The following CSTPP1 variants were observed in gnomAD, a reference collection of about 807,000 sequenced individuals.
The protein encoded by CSTPP1 is UPF0705 protein C11orf49.
chr11:47,084,907 G>A, the CSTPP1 span, among the ~76,000 whole-genome samples: 15 of 152,044 alleles, frequency 9.9e-5, no homozygotes, highest in African/African-American at 2.7e-4. Flanking sequence ...AAGAATCGCC[G>A]GGTGCGATGG....
chr11:46,988,335 G>A, the CSTPP1 span, among the ~76,000 whole-genome samples: 2 of 152,124 alleles, frequency 1.3e-5, no homozygotes, highest in Admixed American at 6.6e-5. Context: ...AGATGAATGG[G>A]TAAAGAAAAT....
the CSTPP1 span, among the ~76,000 whole-genome samples, chr11:47,079,471 A>G: frequency 6.6e-6 from 1 of 152,250 alleles, no homozygotes; most frequent in Non-Finnish European, 1.5e-5. Flanking sequence ...AGTTCAGCCA[A>G]AAGCTGCATA....
chr11:47,155,549 T>C, the CSTPP1 span: 3 of 490,576 alleles, frequency 6.1e-6, no homozygotes, highest in South Asian at 5.3e-5. Flanking sequence ...ACAACATCCA[T>C]AGCATCCACA....
chr11:47,022,183 A>G, the CSTPP1 span, among the ~76,000 whole-genome samples: 1 of 151,302 alleles, frequency 6.6e-6, no homozygotes, highest in South Asian at 2.1e-4. Flanking sequence ...ATTAAAAGCC[A>G]CTTTCATTCC....
chr11:47,088,712 AT>A, the CSTPP1 span, among the ~76,000 whole-genome samples: 4 of 151,910 alleles, frequency 2.6e-5, no homozygotes, highest in Non-Finnish European at 5.9e-5. Context: ...ACACTGGCTA[AT>A]TTTTGTATTT....
At chr11:46,963,165 T>C in the CSTPP1 span, among the ~76,000 whole-genome samples, 4 of 152,144 alleles carry the variant, frequency 2.6e-5, no homozygotes, top group Admixed American at 6.6e-5. Flanking sequence ...TTGAGTAGAA[T>C]TGGCAAAAGT....
At chr11:47,069,415 T>G in the CSTPP1 span, among the ~76,000 whole-genome samples, 1 of 152,230 alleles carries the variant, frequency 6.6e-6, no homozygotes, top group Non-Finnish European at 1.5e-5. Context: ...ATTGTAGTAG[T>G]TAAGGCATAA....
chr11:47,020,705 T>G, the CSTPP1 span, among the ~76,000 whole-genome samples: 1 of 152,244 alleles, frequency 6.6e-6, no homozygotes, highest in Non-Finnish European at 1.5e-5. Context: ...TTCTAAATCA[T>G]TCCTTGTTTT....
At chr11:47,088,409 C>A in the CSTPP1 span, among the ~76,000 whole-genome samples, 1 of 152,048 alleles carries the variant, frequency 6.6e-6, no homozygotes, top group African/African-American at 2.4e-5. Context: ...TTCTTAGATT[C>A]CTGGAAAACA....
the CSTPP1 span, among the ~76,000 whole-genome samples, chr11:46,966,672 T>G: frequency 6.6e-6 from 1 of 152,368 alleles, no homozygotes; most frequent in South Asian, 2.1e-4. Context: ...TGCTTTTCTT[T>G]AAGACAACTT....
chr11:47,151,712 G>A, the CSTPP1 span, among the ~76,000 whole-genome samples: 5 of 151,692 alleles, frequency 3.3e-5, no homozygotes, highest in African/African-American at 1.2e-4. Flanking sequence ...AAGGTAGCCA[G>A]TCTTACTTCT....
chr11:47,020,541 T>C, the CSTPP1 span, among the ~76,000 whole-genome samples: 2 of 152,042 alleles, frequency 1.3e-5, no homozygotes, highest in African/African-American at 4.8e-5. Flanking sequence ...TTTATTGCAG[T>C]GGATAGGAGC....
At chr11:47,108,704 C>CTTTTTTTTT in the CSTPP1 span, among the ~76,000 whole-genome samples, 1 of 118,392 alleles carries the variant, frequency 8.4e-6, no homozygotes, top group Non-Finnish European at 1.6e-5. Context: ...GTACTATCTA[C>CTTTTTTTTT]TTTTTTTTTT....
At chr11:47,118,120 C>T in the CSTPP1 span, among the ~76,000 whole-genome samples, 2 of 152,066 alleles carry the variant, frequency 1.3e-5, no homozygotes, top group Admixed American at 6.6e-5. Context: ...CCTCGTGATC[C>T]ACCTGCCTCG....
At chr11:47,055,190 C>T in the CSTPP1 span, among the ~76,000 whole-genome samples, 4 of 152,100 alleles carry the variant, frequency 2.6e-5, no homozygotes, top group Non-Finnish European at 5.9e-5. Context: ...ACCTCAGCCT[C>T]CCAAAGTGCT....
At chr11:47,073,862 A>G in the CSTPP1 span, among the ~76,000 whole-genome samples, 13 of 152,188 alleles carry the variant, frequency 8.5e-5, no homozygotes, top group African/African-American at 3.1e-4. Context: ...AAAGTGATGT[A>G]AAAACTATGA....
the CSTPP1 span, among the ~76,000 whole-genome samples, chr11:47,056,005 T>C: frequency 6.6e-6 from 1 of 152,276 alleles, no homozygotes; most frequent in African/African-American, 2.4e-5. Context: ...TCTTTCCCAG[T>C]CCCTCACTCA....
chr11:47,034,153 C>G, the CSTPP1 span, among the ~76,000 whole-genome samples: 940 of 151,960 alleles, frequency 6.2e-3, 10 homozygotes, highest in African/African-American at 0.021. Flanking sequence ...AGTCCATTAC[C>G]AGCAAGGTAC....
the CSTPP1 span, among the ~76,000 whole-genome samples, chr11:47,151,259 A>G: frequency 6.6e-6 from 1 of 152,184 alleles, no homozygotes; most frequent in Non-Finnish European, 1.5e-5. Context: ...TAAAATACAA[A>G]AATTAGCTGG....
Sources: gnomAD v4.1 joint callset for allele counts (sites outside exome capture counted in the v4.1 genomes callset) on GRCh38, gnomAD v4.1.1 for gene constraint, MANE v1.5 for transcripts, NCBI Gene and HGNC (gene_info 2026-07-23, HGNC 2026-07-21) for gene names.